TENT5A: variants seen among roughly 807,000 people sequenced by gnomAD.
The protein encoded by TENT5A is HBV X-transactivated gene 11 protein.
In TENT5A, 9 loss-of-function variants were observed where a neutral mutation model predicts 30.2. That is an observed-to-expected ratio of 0.30 (90% CI 0.18 to 0.52). TENT5A has a LOEUF of 0.52. Among genes scored for constraint, TENT5A ranks in the 20% least tolerant of loss-of-function variants. TENT5A has a pLI of 0.97. For synonymous variants in TENT5A, 264 were observed against 234.2 expected, an observed-to-expected ratio of 1.13 and a Z score of -1.16; for missense variants, 411 against 566.1, an observed-to-expected ratio of 0.73 and a Z score of 2.78.
At chr6:81,752,354 G>C (rs1300101815) in intron 1 of TENT5A, 77 bp downstream of exon 1, 1 of 1,534,216 alleles carries the variant, frequency 6.5e-7, no homozygotes, top group Admixed American at 2.0e-5. Context: ...CGCGCACCGC[G>C]CCCCGCAGAG....
rs978157444 is a variant in TENT5A at position 81,748,957 on chromosome 6, T to A, written c.*738A>T. The A allele has an allele frequency of 2.0e-6, 2 of 985,762 alleles. No individual in the cohort carries two copies. 61.1% of individuals were successfully genotyped at this position (985,762 alleles called of 1,614,324 possible). A position where few individuals can be genotyped will look rare whatever the true frequency, so the allele number is the denominator to read the frequency against. On this transcript the variant is annotated 3_prime_UTR_variant, in exon 3 of 3. Coordinates refer to ENST00000320172, the MANE Select transcript of TENT5A (RefSeq NM_017633.3). ...TCTCTTCTAATTGGGTATTTTTATC[T>A]GTTAAATCTTTGGTCCTTGAGCACA... is the stretch of plus-strand genomic sequence containing the variant.
In TENT5A at chr6:81,747,822, G is replaced by A. The variant is rs1768916868; in HGVS notation, c.*1873C>T. On this transcript the variant is annotated 3_prime_UTR_variant, in exon 3 of 3. Transcript: ENST00000320172. ...GAGACCAGTATCTAGAGGAACTACT[G>A]GCTAGGAGAAAGGGTGGTTTTAGGA... The A allele has an allele frequency of 2.0e-6, 2 of 985,612 alleles. No individual in the cohort carries two copies. Among genetic ancestry groups the A allele is most frequent in the Non-Finnish European group, 2.4e-6 (2 of 829,856 alleles). 61.1% of individuals were successfully genotyped at this position (985,612 alleles called of 1,614,324 possible).
chr6:81,747,695 C>A lies in TENT5A; in HGVS notation c.*2000G>T, dbSNP rs1768914466. ...GTCTTCGAGGAATTATCATAGCAAG[C>A]AGTCATCCACTAAGGTTGTGGAGAT... On this transcript the variant is annotated 3_prime_UTR_variant, in exon 3 of 3. Transcript: ENST00000320172. 1 of 985,556 alleles carries A rather than the reference C, an allele frequency of 1.0e-6. No individual in the cohort carries two copies. The highest frequency in any genetic ancestry group is 1.2e-6 in the Non-Finnish European group (1 of 829,774). The allele number at this position is 985,556 out of a possible 1,614,324, so 61.1% of individuals were successfully genotyped here.
rs1416795876 is a variant in TENT5A at position 81,747,580 on chromosome 6, T to TAAAC, written c.*2111_*2114dup. ...CACTAAGCATCTGAGGATCCCTAGA[T>TAAAC]AAACAAACAAACAAATTATACTGCC... On this transcript the variant is annotated 3_prime_UTR_variant, in exon 3 of 3. Coordinates refer to ENST00000320172, the MANE Select transcript of TENT5A (RefSeq NM_017633.3). The TAAAC allele has an allele frequency of 4.1e-6, 4 of 985,494 alleles. No individual in the cohort carries two copies. Among genetic ancestry groups the TAAAC allele is most frequent in the African/African-American group, 3.5e-5 (2 of 57,236 alleles). 61.0% of individuals were successfully genotyped at this position (985,494 alleles called of 1,614,324 possible).
Position 81,751,958 on chromosome 6 carries a change from G to A in TENT5A, c.184C>T (p.His62Tyr), listed in dbSNP as rs1769046210. The change falls in exon 2 of 3, where the codon CAC becomes TAC. Residue 62 changes from histidine (H) to tyrosine (Y), a missense_variant. Transcript: ENST00000320172. ...TGCTCCCAGTTCAGCACATTGCAGT[G>A]CGCCGTAGGGCTTTCGCAATAGTCC... Reference protein sequence around the residue: ...CLDYCESPTAHCNVLNWEQVQ... With the variant: ...CLDYCESPTAYCNVLNWEQVQ... The A allele has an allele frequency of 1.2e-6, 2 of 1,600,546 alleles. No homozygotes were observed. The highest frequency in any genetic ancestry group is 2.8e-5 in the African/African-American group (2 of 72,606).
chr6:81,751,226 T>A (rs17661047), intron 2 of TENT5A, among the ~76,000 whole-genome samples: 7,149 of 152,254 alleles, frequency 0.047, 230 homozygotes, highest in Admixed American at 0.078. Flanking sequence ...AAGGCTAGAC[T>A]CAAATATAAT....
At chr6:81,751,515 A>G (rs1769033268) in intron 2 of TENT5A, 75 bp downstream of exon 2, 1 of 1,332,570 alleles carries the variant, frequency 7.5e-7, no homozygotes, top group Admixed American at 2.2e-5. Context: ...CATTTAACCG[A>G]TGCCCCTCTG....
chr6:81,751,773 C>G lies in TENT5A; in HGVS notation c.369G>C (p.Ser123=), dbSNP rs777666483. 36 of 1,611,156 alleles carry G rather than the reference C, an allele frequency of 2.2e-5. No individual in the cohort carries two copies. The Middle Eastern group carries it at 8.3e-4, about 37-fold the overall frequency. Residue 123 remains serine (S), a synonymous_variant, in exon 2 of 3, where the codon TCG becomes TCC. Transcript: ENST00000320172. ...CCTGGTGCAGGACATGGCTGGCTGC[C>G]GAGCCGTTGAGGCGCACGTCGCGGA... The part of the protein sequence containing the change: ...IGVRDVRLNG[S]AASHVLHQDS...
At position 81,747,294 on chromosome 6, in the gene TENT5A, G is replaced by A. The variant is rs746126313; in HGVS notation, c.*2401C>T. On this transcript the variant is annotated 3_prime_UTR_variant, in exon 3 of 3. Coordinates refer to ENST00000320172, the MANE Select transcript of TENT5A (RefSeq NM_017633.3). ...GAGCTCTGGTTTCTGATAGGTGAGT[G>A]CCAGGCTTAATCTGCAAACTGAACA... 273 of 985,828 alleles carry A rather than the reference G, an allele frequency of 2.8e-4. 3 individuals are homozygous for A. The Middle Eastern group carries it at 0.014, about 51-fold the overall frequency. 61.1% of individuals were successfully genotyped at this position (985,828 alleles called of 1,614,324 possible). A position where few individuals can be genotyped will look rare whatever the true frequency, so the allele number is the denominator to read the frequency against.
rs1004886519 is a variant in TENT5A, at chr6:81,747,053, G to A, written c.*2642C>T. The A allele has an allele frequency of 2.0e-6, 2 of 983,038 alleles. No homozygotes were observed. Among genetic ancestry groups the A allele is most frequent in the Admixed American group, 6.2e-5 (1 of 16,250 alleles). 60.9% of individuals were successfully genotyped at this position (983,038 alleles called of 1,614,324 possible). A position where few individuals can be genotyped will look rare whatever the true frequency, so the allele number is the denominator to read the frequency against. Reference sequence around the variant, plus strand: ...TAAATATTTAAGAAAATAAATCAAAGTGTATTTCAAATAAGGCTCTTCCAA... The same window carrying A: ...TAAATATTTAAGAAAATAAATCAAAATGTATTTCAAATAAGGCTCTTCCAA... On this transcript the variant is annotated 3_prime_UTR_variant, in exon 3 of 3. Transcript: ENST00000320172.
chr6:81,746,802 C>T lies in TENT5A; in HGVS notation c.*2893G>A. The T allele has an allele frequency of 8.3e-7, 1 of 1,198,492 alleles. No homozygotes were observed. Among genetic ancestry groups the T allele is most frequent in the African/African-American group, 1.6e-5 (1 of 63,870 alleles). The allele number at this position is 1,198,492 out of a possible 1,614,324, so 74.2% of individuals were successfully genotyped here. Reference sequence around the variant, plus strand: ...ATACACATGGCTCTCTCTCACCAGACATTCAAATTTTTAGGCCGCACATCC... The same window carrying T: ...ATACACATGGCTCTCTCTCACCAGATATTCAAATTTTTAGGCCGCACATCC... On this transcript the variant is annotated 3_prime_UTR_variant, in exon 3 of 3. Coordinates refer to ENST00000320172, the MANE Select transcript of TENT5A (RefSeq NM_017633.3).
In TENT5A at chr6:81,750,841, CG is replaced by C. The variant is rs774156539; in HGVS notation, c.553-371del. Among the ~76,000 whole-genome samples, 2 of 152,206 alleles carry C rather than the reference CG, an allele frequency of 1.3e-5. No individual in the cohort carries two copies. Among genetic ancestry groups the C allele is most frequent in the African/African-American group, 2.4e-5 (1 of 41,430 alleles). On this transcript the variant is annotated intron_variant, in intron 2 of 2. Coordinates refer to ENST00000320172, the MANE Select transcript of TENT5A (RefSeq NM_017633.3). This position sits in a 1 kb window ranked among gnomAD's most constrained non-coding sequence, Gnocchi z 4.2. ...TCAAAAGACTCGGAAGGGCATTCAG[CG>C]GTAGGTTAGTCAGCCTCTCGCCCTT...
Position 81,748,089 on chromosome 6 carries a change from T to A in TENT5A, c.*1606A>T. On this transcript the variant is annotated 3_prime_UTR_variant, in exon 3 of 3. Transcript: ENST00000320172. ...ATTTTAAGCAATTGTGCAAATATTC[T>A]GTAAAAAGGGTCATTTCACATTACT... 1 of 984,164 alleles carries A rather than the reference T, an allele frequency of 1.0e-6. No individual in the cohort carries two copies. 61.0% of individuals were successfully genotyped at this position (984,164 alleles called of 1,614,324 possible).
chr6:81,752,171 G>T lies in TENT5A; in HGVS notation c.-30C>A. On this transcript the variant is annotated 5_prime_UTR_variant, in exon 2 of 3. Transcript: ENST00000320172. ...TGCCCGCCGAGCGCCACTTGGCCCT[G>T]GTCAGTCCTAAAAAGAAAGGGAAAG... 6.6e-7 allele frequency: 1 copy of T among 1,515,350 alleles called. No homozygotes were observed. The allele number at this position is 1,515,350 out of a possible 1,614,324, so 93.9% of individuals were successfully genotyped here.
Position 81,749,644 on chromosome 6 carries a change from TC to T in TENT5A, c.*50del. 1.4e-6 allele frequency: 2 copies of T among 1,451,372 alleles called. No individual in the cohort carries two copies. Among genetic ancestry groups the T allele is most frequent in the Non-Finnish European group, 9.1e-7 (1 of 1,096,618 alleles). 89.9% of individuals were successfully genotyped at this position (1,451,372 alleles called of 1,614,324 possible). A position where few individuals can be genotyped will look rare whatever the true frequency, so the allele number is the denominator to read the frequency against. On this transcript the variant is annotated 3_prime_UTR_variant, in exon 3 of 3. Transcript: ENST00000320172. ...TTTTTTTTTCTTTTTTTTTTTTTTC[TC>T]TCCTGTCTTGTCTGAAATGGCTTCC...
rs1378115104 is a variant in TENT5A at position 81,748,363 on chromosome 6, G to A, written c.*1332C>T. On this transcript the variant is annotated 3_prime_UTR_variant, in exon 3 of 3. Transcript: ENST00000320172. ...CTGCCAAACAAATATTCTCCCATTTGTGGAATTTTATGGCTCACCAAAGAA... is the reference window on the plus strand; with the variant it reads ...CTGCCAAACAAATATTCTCCCATTTATGGAATTTTATGGCTCACCAAAGAA... The A allele has an allele frequency of 2.0e-6, 2 of 976,366 alleles. No homozygotes were observed. The highest frequency in any genetic ancestry group is 5.3e-4 in the Middle Eastern group (1 of 1,898). 60.5% of individuals were successfully genotyped at this position (976,366 alleles called of 1,614,324 possible).
chr6:81,746,712 A>G lies in TENT5A; in HGVS notation c.*2983T>C. On this transcript the variant is annotated 3_prime_UTR_variant, in exon 3 of 3. Transcript: ENST00000320172. ...AAAGAAACAGCACACTAGGCCAGAT[A>G]AACACAAAAGGAAACAAATCACAGG... 2.4e-6 allele frequency: 3 copies of G among 1,227,204 alleles called. No homozygotes were observed. Among genetic ancestry groups the G allele is most frequent in the Non-Finnish European group, 3.0e-6 (3 of 985,260 alleles). The allele number at this position is 1,227,204 out of a possible 1,614,324, so 76.0% of individuals were successfully genotyped here.
chr6:81,752,417 C>T lies in TENT5A; in HGVS notation c.-38+14G>A. Reference sequence around the variant, plus strand: ...GCATCTGGAAAGCGCAAGCGAGAGTCCCGTCTGTGTCACCTGGAGGCGGCC... The same window carrying T: ...GCATCTGGAAAGCGCAAGCGAGAGTTCCGTCTGTGTCACCTGGAGGCGGCC... On this transcript the variant is annotated intron_variant, in intron 1 of 2. Transcript: ENST00000320172. 1.3e-6 allele frequency: 2 copies of T among 1,550,182 alleles called. No homozygotes were observed. The highest frequency in any genetic ancestry group is 1.7e-6 in the Non-Finnish European group (2 of 1,146,932).
At position 81,749,472 on chromosome 6, in the gene TENT5A, T is replaced by C; in HGVS notation, c.*223A>G. On this transcript the variant is annotated 3_prime_UTR_variant, in exon 3 of 3. Coordinates refer to ENST00000320172, the MANE Select transcript of TENT5A (RefSeq NM_017633.3). Reference sequence around the variant, plus strand: ...CTTTTTTTGCAGGATAGAATCCAATTGGGTAGGAGAATAAGAGAAGGGAAA... The same window carrying C: ...CTTTTTTTGCAGGATAGAATCCAATCGGGTAGGAGAATAAGAGAAGGGAAA... 1 of 1,286,006 alleles carries C rather than the reference T, an allele frequency of 7.8e-7. No individual in the cohort carries two copies. Among genetic ancestry groups the C allele is most frequent in the South Asian group, 2.7e-5 (1 of 37,172 alleles). The allele number at this position is 1,286,006 out of a possible 1,614,324, so 79.7% of individuals were successfully genotyped here.
Sources: allele counts gnomAD v4.1 joint callset (sites outside exome capture counted in the v4.1 genomes callset), GRCh38; gene constraint gnomAD v4.1.1; non-coding constraint Gnocchi (gnomAD v3.1); transcripts MANE v1.5; gene names NCBI Gene and HGNC (gene_info 2026-07-23, HGNC 2026-07-21).